ESYT2: variants seen among roughly 807,000 people sequenced by gnomAD.
The protein encoded by ESYT2 is extended synaptotagmin-2.
In ESYT2, 54 loss-of-function variants were observed where a neutral mutation model predicts 107.2. The ratio of observed to expected loss-of-function variants is 0.50; its 90% CI spans 0.40 to 0.63. The LOEUF (loss-of-function observed/expected upper bound fraction) is 0.63, where lower values mean the gene tolerates loss of function less well. Ranked by LOEUF, ESYT2 falls within the 30% of genes least tolerant of loss-of-function variation. The pLI, the probability that ESYT2 is intolerant of heterozygous loss-of-function variation, is 0.00. For missense variants in ESYT2, 1,020 were observed against 1,094.5 expected, an observed-to-expected ratio of 0.93 and a Z score of 0.96; for synonymous variants, 491 against 434.1, an observed-to-expected ratio of 1.13 and a Z score of -1.63.
chr7:158,772,318 T>C (rs1045286993), intron 7 of ESYT2, among the ~76,000 whole-genome samples: 1 of 152,174 alleles, frequency 6.6e-6, no homozygotes, highest in Non-Finnish European at 1.5e-5. Flanking sequence ...TCATGATGAC[T>C]GTGCTTCAGA....
intron 1 of ESYT2, among the ~76,000 whole-genome samples, chr7:158,822,971 A>G (rs1840328102): frequency 6.6e-6 from 1 of 152,120 alleles, no homozygotes; most frequent in Non-Finnish European, 1.5e-5. Flanking sequence ...ACTTTGCACT[A>G]TAACTGACCA....
At chr7:158,750,184 G>A (rs1302283124) in intron 14 of ESYT2, among the ~76,000 whole-genome samples, 4 of 151,936 alleles carry the variant, frequency 2.6e-5, no homozygotes, top group Admixed American at 6.5e-5. Context: ...TCAACTTAGC[G>A]TCTTCTGTTT....
chr7:158,797,441 T>TA (rs1839497417), intron 3 of ESYT2, among the ~76,000 whole-genome samples: 1 of 151,720 alleles, frequency 6.6e-6, no homozygotes, highest in Non-Finnish European at 1.5e-5. Flanking sequence ...TGAAGTTGTT[T>TA]AAAAAACATA....
At chr7:158,773,469 G>C in intron 6 of ESYT2, 73 bp from the exon 7 acceptor site, 1 of 1,487,880 alleles carries the variant, frequency 6.7e-7, no homozygotes, top group Non-Finnish European at 9.3e-7. Context: ...ACACAGGCTT[G>C]TTTCTTTGTA....
chr7:158,826,412 C>A (rs1043347487), intron 1 of ESYT2, among the ~76,000 whole-genome samples: 11 of 152,090 alleles, frequency 7.2e-5, no homozygotes, highest in African/African-American at 2.7e-4. Flanking sequence ...GTAAAACATT[C>A]TGGAGAAAAT....
intron 1 of ESYT2, among the ~76,000 whole-genome samples, chr7:158,816,275 A>C (rs1480004590): frequency 1.3e-5 from 2 of 152,186 alleles, no homozygotes; most frequent in Non-Finnish European, 2.9e-5. Flanking sequence ...GCTTGAGTCC[A>C]GGAGGTCGAG....
intron 1 of ESYT2, among the ~76,000 whole-genome samples, chr7:158,820,828 T>G (rs1840268245): frequency 6.6e-6 from 1 of 152,186 alleles, no homozygotes; most frequent in Non-Finnish European, 1.5e-5. Context: ...ACCCACCAAT[T>G]CATACTATGA....
chr7:158,769,874 G>A, intron 7 of ESYT2, among the ~76,000 whole-genome samples: 1 of 151,882 alleles, frequency 6.6e-6, no homozygotes, highest in East Asian at 1.9e-4. Flanking sequence ...TAAAGCTTGG[G>A]ACAAGATTTC....
At chr7:158,825,409 T>C (rs1317983983) in intron 1 of ESYT2, among the ~76,000 whole-genome samples, 3 of 152,228 alleles carry the variant, frequency 2.0e-5, no homozygotes. Flanking sequence ...CAAAAAGCCC[T>C]GTCCTCAATT....
Position 158,752,737 on chromosome 7 carries a change from A to G in ESYT2, c.1482+44T>C, listed in dbSNP as rs3850488. On this transcript the variant is annotated intron_variant, in intron 14 of 22. Transcript: ENST00000275418. The stretch of plus-strand genomic sequence containing the variant: ...ATGAGACAAAGTATCATCTCTTTCA[A>G]TATGTTTTCATTAACTCTGTGACCT... 2.3e-5 allele frequency: 28 copies of G among 1,221,984 alleles called. No individual in the cohort carries two copies. In the Admixed American group the frequency reaches 4.5e-4, roughly 20 times the overall value. The allele number at this position is 1,221,984 out of a possible 1,614,324, so 75.7% of individuals were successfully genotyped here.
At chr7:158,802,482 T>C (rs1424952722) in intron 1 of ESYT2, among the ~76,000 whole-genome samples, 1 of 152,192 alleles carries the variant, frequency 6.6e-6, no homozygotes, top group East Asian at 1.9e-4. Flanking sequence ...GGTTTTGCCA[T>C]GTTGGCCACG....
chr7:158,741,682 G>A lies in ESYT2; in HGVS notation c.2009C>T (p.Ala670Val). 6.2e-7 allele frequency: 1 copy of A among 1,614,056 alleles called. No homozygotes were observed. Among genetic ancestry groups the A allele is most frequent in the South Asian group, 1.1e-5 (1 of 91,078 alleles). ...CAGGTCGTGCAGCCCCTGAGGGCCG[G>A]CCTCAGGGGGCTGGGCCTTTTCTTC... ...GMEEKAQPPE[A>V]GPQGLHDLGR... The change falls in exon 18 of 23, where the codon GCC (alanine) becomes GTC (valine). Residue 670 changes from alanine (A) to valine (V), a missense_variant. Transcript: ENST00000275418.
intron 12 of ESYT2, 87 bp downstream of exon 12, chr7:158,759,971 T>C (rs1312608358): frequency 1.7e-6 from 2 of 1,196,116 alleles, no homozygotes; most frequent in Non-Finnish European, 2.5e-6. Context: ...TGTTAAAAAA[T>C]CAAGTAGCAA....
chr7:158,767,513 C>T (rs1168834110), intron 8 of ESYT2, 141 bp downstream of exon 8: 3 of 1,095,214 alleles, frequency 2.7e-6, no homozygotes, highest in East Asian at 2.5e-5. Flanking sequence ...TGACGGACAA[C>T]CAATAGTCAA....
chr7:158,738,855 A>G (rs1300964543), intron 19 of ESYT2, among the ~76,000 whole-genome samples, 168 bp downstream of exon 19: 3 of 152,242 alleles, frequency 2.0e-5, no homozygotes, highest in African/African-American at 7.2e-5. Context: ...TGACATACGC[A>G]GTGGTGACAC....
rs1840569635 is a variant in ESYT2, at chr7:158,829,487, C to CAG, written c.-71_-70dup. On this transcript the variant is annotated 5_prime_UTR_variant, in exon 1 of 23. Transcript: ENST00000275418. ...GTGCTCGCGCTGATCCCGGGCGGCT[C>CAG]AGCCCCGCGCCAGCGCCCCTCTGAG... 5 of 1,229,652 alleles carry CAG rather than the reference C, an allele frequency of 4.1e-6. No homozygotes were observed. Among genetic ancestry groups the CAG allele is most frequent in the Non-Finnish European group, 5.1e-6 (5 of 985,956 alleles). 76.2% of individuals were successfully genotyped at this position (1,229,652 alleles called of 1,614,324 possible).
chr7:158,795,589 TACAG>T (rs922278439), intron 3 of ESYT2, among the ~76,000 whole-genome samples: 6 of 114,992 alleles, frequency 5.2e-5, no homozygotes, highest in African/African-American at 2.3e-4. Flanking sequence ...TGCGGCCACG[TACAG>T]ACAGAGCATG....
At chr7:158,741,236 C>T (rs1278945295) in intron 18 of ESYT2, among the ~76,000 whole-genome samples, 2 of 152,210 alleles carry the variant, frequency 1.3e-5, no homozygotes, top group East Asian at 1.9e-4. Context: ...CACACAGCAG[C>T]GTCCCGGCGC....
chr7:158,779,779 G>A (rs1326624569), intron 6 of ESYT2, among the ~76,000 whole-genome samples: 1 of 152,222 alleles, frequency 6.6e-6, no homozygotes, highest in Non-Finnish European at 1.5e-5. Context: ...ATGACTGGCA[G>A]ACAGCCCAGG....
Sources: allele counts gnomAD v4.1 joint callset (sites outside exome capture counted in the v4.1 genomes callset), GRCh38; gene constraint gnomAD v4.1.1; transcripts MANE v1.5; gene names NCBI Gene and HGNC (gene_info 2026-07-23, HGNC 2026-07-21).